The following GABRG1 variants were observed in gnomAD, a reference collection of about 807,000 sequenced individuals.
GABRG1 encodes the protein gamma-aminobutyric acid receptor subunit gamma-1.
A neutral mutation model predicts 49.8 loss-of-function variants in GABRG1; 49 were observed. The observed-to-expected ratio is 0.98, with a 90% CI of 0.78 to 1.25. The LOEUF (loss-of-function observed/expected upper bound fraction) is 1.25, where lower values mean the gene tolerates loss of function less well. Ranked by LOEUF, GABRG1 falls within the 50% of genes most tolerant of loss-of-function variation. GABRG1 has a pLI of 0.00. For synonymous variants in GABRG1, 232 were observed against 185.1 expected (o/e 1.25, Z -2.06); for missense variants, 552 against 552.3 (o/e 1.00, Z 0.01).
intron 1 of GABRG1, among the ~76,000 whole-genome samples, chr4:46,104,726 C>A (rs1480575068): frequency 1.3e-5 from 2 of 151,298 alleles, no homozygotes; most frequent in East Asian, 3.9e-4. Context: ...TATTAAACTT[C>A]ATTTGACAAA....
At chr4:46,122,310 A>G (rs1203090096) in intron 1 of GABRG1, among the ~76,000 whole-genome samples, 1 of 152,150 alleles carries the variant, frequency 6.6e-6, no homozygotes, top group Non-Finnish European at 1.5e-5. Context: ...TTTGAAAGGA[A>G]AACTCGTATA....
chr4:46,084,826 A>G (rs1411480484), intron 2 of GABRG1, among the ~76,000 whole-genome samples: 2 of 151,606 alleles, frequency 1.3e-5, no homozygotes, highest in Non-Finnish European at 3.0e-5. Context: ...TGATTTATAG[A>G]AGGTTTTACA....
intron 3 of GABRG1, among the ~76,000 whole-genome samples, chr4:46,067,726 C>G (rs931067036): frequency 5.3e-5 from 8 of 152,112 alleles, no homozygotes; most frequent in Non-Finnish European, 1.2e-4. Flanking sequence ...CACACCCTTG[C>G]TTATATACTG....
Position 46,097,287 on chromosome 4 carries a change from G to A in GABRG1, c.167C>T (p.Ala56Val). The change falls in exon 2 of 9, where the codon GCC becomes GTC. Residue 56 changes from alanine (A) to valine (V), a missense_variant. Transcript: ENST00000295452. ...GATATCTCCTTCATGAATTTTTGGG[G>A]CCAAGACCCAGGTTTTGTTCACCGT... ...DLTVNKTWVL[A>V]PKIHEGDITQ... The A allele has an allele frequency of 6.2e-7, 1 of 1,610,914 alleles. No homozygotes were observed. The highest frequency in any genetic ancestry group is 1.7e-5 in the Admixed American group (1 of 59,748).
intron 1 of GABRG1, among the ~76,000 whole-genome samples, chr4:46,119,965 T>C (rs866054042): frequency 2.6e-5 from 4 of 151,734 alleles, no homozygotes; most frequent in Non-Finnish European, 5.9e-5. Context: ...TGTTATGACT[T>C]TCTTTTCATA....
intron 8 of GABRG1, among the ~76,000 whole-genome samples, chr4:46,051,074 C>G (rs543319097): frequency 6.6e-6 from 1 of 151,804 alleles, no homozygotes; most frequent in Non-Finnish European, 1.5e-5. Context: ...AAAGAGGAAT[C>G]TTCATCACTA....
chr4:46,091,129 C>T (rs1004200261), intron 2 of GABRG1, among the ~76,000 whole-genome samples: 2 of 152,004 alleles, frequency 1.3e-5, no homozygotes, highest in African/African-American at 4.8e-5. Flanking sequence ...GAGAGTTGAG[C>T]TATTTTAGGG....
intron 7 of GABRG1, among the ~76,000 whole-genome samples, 161 bp from the exon 8 acceptor site, chr4:46,051,799 T>C (rs1197540225): frequency 6.6e-6 from 1 of 151,912 alleles, no homozygotes; most frequent in Non-Finnish European, 1.5e-5. Flanking sequence ...CAACATTGTG[T>C]CCAATGTGCT....
intron 8 of GABRG1, among the ~76,000 whole-genome samples, chr4:46,043,723 TAAATA>T (rs1717874224): frequency 6.6e-6 from 1 of 152,018 alleles, no homozygotes; most frequent in African/African-American, 2.4e-5. Flanking sequence ...TATTCTACCT[TAAATA>T]AAATCGTTTT....
chr4:46,119,418 G>A (rs1013800827), intron 1 of GABRG1, among the ~76,000 whole-genome samples: 3 of 151,348 alleles, frequency 2.0e-5, no homozygotes, highest in African/African-American at 4.8e-5. Context: ...TTTAAGTTTC[G>A]GTTTCAGCAC....
At chr4:46,045,673 T>G (rs532962673) in intron 8 of GABRG1, among the ~76,000 whole-genome samples, 2 of 152,080 alleles carry the variant, frequency 1.3e-5, no homozygotes, top group Non-Finnish European at 2.9e-5. Flanking sequence ...CAATAATGAA[T>G]TCAGAAGTAG....
At chr4:46,118,724 T>C (rs1188828246) in intron 1 of GABRG1, among the ~76,000 whole-genome samples, 2 of 151,198 alleles carry the variant, frequency 1.3e-5, no homozygotes, top group Non-Finnish European at 3.0e-5. Flanking sequence ...AATGAATTAA[T>C]AGCTAAGGCT....
chr4:46,037,332 A>G lies in GABRG1; in HGVS notation c.*3656T>C, dbSNP rs1367458846. On this transcript the variant is annotated 3_prime_UTR_variant, in exon 9 of 9. Transcript: ENST00000295452. ...AATAGTATTTGAAAACTCCATTTGG[A>G]AAGTCCTTGATAAAGTTTGGTAATG... 1 of 151,874 alleles carries G rather than the reference A, an allele frequency of 6.6e-6. No homozygotes were observed. The highest frequency in any genetic ancestry group is 1.5e-5 in the Non-Finnish European group (1 of 67,852). 9.4% of individuals were successfully genotyped at this position (151,874 alleles called of 1,614,324 possible).
chr4:46,087,941 C>T (rs1719841473), intron 2 of GABRG1, among the ~76,000 whole-genome samples: 1 of 151,982 alleles, frequency 6.6e-6, no homozygotes, highest in Admixed American at 6.6e-5. Context: ...CCAGTAGAAA[C>T]ATATGGCTGT....
At chr4:46,109,739 T>C (rs979908771) in intron 1 of GABRG1, among the ~76,000 whole-genome samples, 16 of 151,156 alleles carry the variant, frequency 1.1e-4, no homozygotes, top group Admixed American at 2.6e-4. Context: ...TTCAAATAAT[T>C]TTTTGATTTA....
intron 3 of GABRG1, among the ~76,000 whole-genome samples, chr4:46,083,162 C>T (rs1719636571): frequency 6.6e-6 from 1 of 151,622 alleles, no homozygotes; most frequent in South Asian, 2.1e-4. Context: ...AGTCAGGTTA[C>T]ACATAATTAA....
At chr4:46,046,378 C>T (rs1654121564) in intron 8 of GABRG1, among the ~76,000 whole-genome samples, 1 of 152,086 alleles carries the variant, frequency 6.6e-6, no homozygotes, top group African/African-American at 2.4e-5. Flanking sequence ...ACAACTGGTA[C>T]TAACTGGTTA....
intron 3 of GABRG1, among the ~76,000 whole-genome samples, 169 bp from the exon 4 acceptor site, chr4:46,065,753 C>CG (rs1356599349): frequency 1.3e-5 from 2 of 152,000 alleles, no homozygotes; most frequent in Non-Finnish European, 2.9e-5. Context: ...GACAGAGTCT[C>CG]GCTCTGTCTC....
At chr4:46,084,686 T>C (rs944255621) in intron 2 of GABRG1, among the ~76,000 whole-genome samples, 2 of 151,720 alleles carry the variant, frequency 1.3e-5, no homozygotes, top group African/African-American at 4.8e-5. Flanking sequence ...TTTATTATAT[T>C]GCATACGTAT....
Sources: allele counts gnomAD v4.1 joint callset (sites outside exome capture counted in the v4.1 genomes callset), GRCh38; gene constraint gnomAD v4.1.1; transcripts MANE v1.5; gene names NCBI Gene and HGNC (gene_info 2026-07-23, HGNC 2026-07-21).